ATP8B4: variants seen among roughly 807,000 people sequenced by gnomAD.
The protein encoded by ATP8B4 is probable phospholipid-transporting ATPase IM.
A neutral mutation model predicts 145.6 loss-of-function variants in ATP8B4; 133 were observed. That is an observed-to-expected ratio of 0.91 (90% CI 0.79 to 1.05). The LOEUF is 1.05. ATP8B4 is among the 50% of genes least tolerant of loss of function. The probability of loss-of-function intolerance (pLI) is 0.00; values close to 1 mark genes in which losing one functional copy is unlikely to be tolerated. For missense variants in ATP8B4, 1,458 were observed against 1,425.2 expected (o/e 1.02, Z -0.37); for synonymous variants, 507 against 492.9 (o/e 1.03, Z -0.38).
chr15:49,941,546 T>A (rs1381210798), intron 14 of ATP8B4, among the ~76,000 whole-genome samples: 4 of 151,814 alleles, frequency 2.6e-5, no homozygotes, highest in African/African-American at 7.3e-5. Context: ...ATGAATAATT[T>A]AAAAAAAACC....
chr15:49,859,978 C>A lies in ATP8B4; in HGVS notation c.*216G>T. On this transcript the variant is annotated 3_prime_UTR_variant, in exon 28 of 28. Transcript: ENST00000284509. ...TACTTGTAACAGCGAGTGTTTTGTC[C>A]ACCAAATCACAAACCAGACAGTGAC... 2.0e-6 allele frequency: 1 copy of A among 507,774 alleles called. No individual in the cohort carries two copies. Among genetic ancestry groups the A allele is most frequent in the Non-Finnish European group, 3.3e-6 (1 of 300,718 alleles). 31.5% of individuals were successfully genotyped at this position (507,774 alleles called of 1,614,324 possible).
chr15:50,135,374 C>T (rs1353481729), intron 1 of ATP8B4, among the ~76,000 whole-genome samples: 2 of 152,192 alleles, frequency 1.3e-5, no homozygotes, highest in African/African-American at 4.8e-5. Context: ...ACTCCACCAT[C>T]ACTTGACGGT....
At chr15:49,937,204 G>A (rs888088312) in intron 14 of ATP8B4, among the ~76,000 whole-genome samples, 9 of 152,112 alleles carry the variant, frequency 5.9e-5, no homozygotes, top group Non-Finnish European at 1.3e-4. Context: ...CACCAAGACT[G>A]AGCGAACTCT....
rs1342844017 is a variant in ATP8B4 at position 49,884,958 on chromosome 15, T to C, written c.2698-5499A>G. ...CCCCACTGGTCTGTGGAAAATTGTC[T>C]TCCATGAAACATCCCTGGTACCAAA... On this transcript the variant is annotated intron_variant, in intron 23 of 27. Transcript: ENST00000284509. Among the ~76,000 whole-genome samples the C allele has an allele frequency of 2.6e-5, 4 of 152,206 alleles. No individual in the cohort carries two copies. The East Asian group carries it at 7.7e-4, about 29-fold the overall frequency.
chr15:49,918,540 C>A (rs538480944), intron 19 of ATP8B4, among the ~76,000 whole-genome samples: 1 of 152,220 alleles, frequency 6.6e-6, no homozygotes, highest in East Asian at 1.9e-4. Flanking sequence ...TTCATATAAA[C>A]CAATTGTTAA....
intron 1 of ATP8B4, among the ~76,000 whole-genome samples, chr15:50,164,797 C>T (rs1194335377): frequency 6.6e-6 from 1 of 152,210 alleles, no homozygotes; most frequent in African/African-American, 2.4e-5. Context: ...GGGAGATTCA[C>T]CTCTGGCTAT....
chr15:50,094,708 AC>A (rs1467546136), intron 2 of ATP8B4, among the ~76,000 whole-genome samples: 6 of 100,714 alleles, frequency 6.0e-5, no homozygotes, highest in African/African-American at 1.6e-4. Flanking sequence ...GTATATATAT[AC>A]TACTATATAT....
chr15:49,861,428 GTCTGTCTGTC>G (rs1566884180), intron 27 of ATP8B4, among the ~76,000 whole-genome samples: 2 of 144,236 alleles, frequency 1.4e-5, no homozygotes, highest in South Asian at 2.3e-4. Context: ...GTGTGTGTCT[GTCTGTCTGTC>G]TGTCTGTCTG....
At chr15:49,941,129 G>A (rs1358313719) in intron 14 of ATP8B4, among the ~76,000 whole-genome samples, 1 of 152,062 alleles carries the variant, frequency 6.6e-6, no homozygotes, top group Non-Finnish European at 1.5e-5. Flanking sequence ...AGGGAGAAGA[G>A]TCAAGATAAT....
At chr15:50,094,526 T>C (rs1008075921) in intron 2 of ATP8B4, among the ~76,000 whole-genome samples, 1 of 150,716 alleles carries the variant, frequency 6.6e-6, no homozygotes, top group African/African-American at 2.4e-5. Context: ...ACGTATATAT[T>C]TGGACACATA....
chr15:50,093,299 T>C (rs2055733155), intron 2 of ATP8B4, among the ~76,000 whole-genome samples: 1 of 152,092 alleles, frequency 6.6e-6, no homozygotes, highest in South Asian at 2.1e-4. Flanking sequence ...AAATAATTAC[T>C]GTACTGACAA....
chr15:49,876,005 A>G (rs760335529), intron 25 of ATP8B4, among the ~76,000 whole-genome samples: 5 of 152,212 alleles, frequency 3.3e-5, no homozygotes, highest in Non-Finnish European at 5.9e-5. Context: ...AAATAATAGT[A>G]TAATCATTTC....
chr15:50,158,625 T>C (rs373235682), intron 1 of ATP8B4, among the ~76,000 whole-genome samples: 1 of 152,220 alleles, frequency 6.6e-6, no homozygotes, highest in Non-Finnish European at 1.5e-5. Context: ...TCATTGAGAA[T>C]GGGCCATGAT....
chr15:49,895,504 A>G (rs2153426615), intron 23 of ATP8B4: 1 of 152,368 alleles, frequency 6.6e-6, no homozygotes, highest in South Asian at 2.1e-4. Flanking sequence ...TTCAGTGTAA[A>G]AAAACAAAAG....
chr15:49,971,743 C>T (rs1036652512), intron 13 of ATP8B4, among the ~76,000 whole-genome samples: 3 of 152,160 alleles, frequency 2.0e-5, no homozygotes, highest in Non-Finnish European at 4.4e-5. Context: ...ACCAGAAATA[C>T]CATTTGACCC....
At chr15:50,066,057 C>T (rs1208151875) in intron 3 of ATP8B4, among the ~76,000 whole-genome samples, 2 of 148,310 alleles carry the variant, frequency 1.3e-5, no homozygotes, top group Non-Finnish European at 3.0e-5. Flanking sequence ...AACAAGAAAC[C>T]AGACGAATGC....
At chr15:50,040,134 T>C (rs2051160730) in intron 5 of ATP8B4, among the ~76,000 whole-genome samples, 1 of 152,218 alleles carries the variant, frequency 6.6e-6, no homozygotes, top group African/African-American at 2.4e-5. Flanking sequence ...CCATGAAAAG[T>C]TGGGCTCTGT....
At chr15:50,023,784 AAAAAAAAAAAAAGAAAAAAAAG>A (rs1469219634) in intron 6 of ATP8B4, among the ~76,000 whole-genome samples, 6 of 147,966 alleles carry the variant, frequency 4.1e-5, no homozygotes, top group Non-Finnish European at 7.4e-5. Flanking sequence ...AAAGGCAAAA[AAAAAAAAAAAAAGAAAAAAAAG>A]AAAAAAAAAA....
intron 2 of ATP8B4, among the ~76,000 whole-genome samples, chr15:50,085,153 C>T (rs1308576540): frequency 6.6e-6 from 1 of 152,168 alleles, no homozygotes; most frequent in East Asian, 1.9e-4. Flanking sequence ...ACCTCCCTGG[C>T]CTCACATCAC....
Sources: allele counts gnomAD v4.1 joint callset (sites outside exome capture counted in the v4.1 genomes callset), GRCh38; gene constraint gnomAD v4.1.1; transcripts MANE v1.5; gene names NCBI Gene and HGNC (gene_info 2026-07-23, HGNC 2026-07-21).